TMEM232: variants seen among roughly 807,000 people sequenced by gnomAD.
TMEM232 encodes transmembrane protein 232.
A neutral mutation model predicts 78.8 loss-of-function variants in TMEM232; 80 were observed. The ratio of observed to expected loss-of-function variants is 1.01; its 90% CI spans 0.85 to 1.22. The LOEUF is 1.22. TMEM232 is among the 50% of genes most tolerant of loss of function. The pLI is 0.00. For missense variants in TMEM232, 881 were observed against 742.2 expected (o/e 1.19, Z -2.17); for synonymous variants, 297 against 254.3 (o/e 1.17, Z -1.60).
intron 6 of TMEM232, among the ~76,000 whole-genome samples, chr5:110,626,378 G>C (rs1784425471): frequency 6.6e-6 from 1 of 151,984 alleles, no homozygotes; most frequent in South Asian, 2.1e-4. Flanking sequence ...TGAAATGTTA[G>C]ACAAGAATTC....
At chr5:110,579,595 G>C (rs949416889) in intron 10 of TMEM232, among the ~76,000 whole-genome samples, 1 of 151,646 alleles carries the variant, frequency 6.6e-6, no homozygotes, top group African/African-American at 2.4e-5. Context: ...GTATAAGATT[G>C]ATGTTGTTTT....
intron 12 of TMEM232, among the ~76,000 whole-genome samples, chr5:110,466,306 G>A (rs896314956): frequency 6.6e-6 from 1 of 152,100 alleles, no homozygotes; most frequent in African/African-American, 2.4e-5. Context: ...ATTACAAAGA[G>A]AACTAATTTA....
chr5:110,635,190 A>C (rs114718539), intron 5 of TMEM232, among the ~76,000 whole-genome samples: 260 of 152,122 alleles, frequency 1.7e-3, no homozygotes, highest in African/African-American at 5.8e-3. Context: ...ATCATTAACA[A>C]AAAGATTCCC....
rs114999045 is a variant in TMEM232 at position 110,533,733 on chromosome 5, C to T, written c.1456-4898G>A. Among the ~76,000 whole-genome samples, 1,061 of 152,270 alleles carry T rather than the reference C, an allele frequency of 7.0e-3. 18 individuals carry two copies. Among genetic ancestry groups the T allele is most frequent in the African/African-American group, 0.025 (1,026 of 41,548 alleles). On this transcript the variant is annotated intron_variant, in intron 11 of 13. Coordinates refer to ENST00000455884, the MANE Select transcript of TMEM232 (RefSeq NM_001039763.4). The stretch of plus-strand genomic sequence containing the variant: ...ATACCACACCTGAACCTCATGACTG[C>T]ATCTCTCTGATCTCCTGACGTTCAC...
upstream of TMEM232, chr5:110,738,148 C>T: frequency 8.9e-7 from 1 of 1,126,060 alleles, no homozygotes; most frequent in South Asian, 1.5e-5. Flanking sequence ...GAATCCTGGG[C>T]TTCCAACGAG....
At chr5:110,678,656 C>A (rs1387208247) in intron 1 of TMEM232, among the ~76,000 whole-genome samples, 1 of 151,882 alleles carries the variant, frequency 6.6e-6, no homozygotes, top group Non-Finnish European at 1.5e-5. Context: ...CCTTAAAAAT[C>A]CTCTATGCTC....
intron 4 of TMEM232, among the ~76,000 whole-genome samples, chr5:110,640,024 C>T (rs561428332): frequency 3.9e-5 from 6 of 152,192 alleles, no homozygotes; most frequent in African/African-American, 9.7e-5. Flanking sequence ...TGATTCACCC[C>T]CCTCGGGTTG....
chr5:110,540,662 C>G (rs2149577120), intron 11 of TMEM232, among the ~76,000 whole-genome samples: 1 of 152,286 alleles, frequency 6.6e-6, no homozygotes, highest in South Asian at 2.1e-4. Flanking sequence ...GGATACACAA[C>G]AGTAAATCGT....
chr5:110,469,628 G>A (rs1336187529), intron 12 of TMEM232, among the ~76,000 whole-genome samples: 2 of 152,166 alleles, frequency 1.3e-5, no homozygotes, highest in Non-Finnish European at 2.9e-5. Context: ...CCTAGTTGCT[G>A]CTGCACCCTG....
chr5:110,485,672 G>T (rs370789194), intron 12 of TMEM232, among the ~76,000 whole-genome samples: 1 of 152,058 alleles, frequency 6.6e-6, no homozygotes, highest in Non-Finnish European at 1.5e-5. Flanking sequence ...GTATTCCATC[G>T]TATATTATAT....
At chr5:110,660,151 A>G (rs1249345888) in intron 2 of TMEM232, among the ~76,000 whole-genome samples, 1 of 152,096 alleles carries the variant, frequency 6.6e-6, no homozygotes, top group African/African-American at 2.4e-5. Flanking sequence ...ACAGAAGACA[A>G]TAAGAAACTT....
intron 11 of TMEM232, among the ~76,000 whole-genome samples, chr5:110,565,427 C>A (rs1776223069): frequency 1.3e-5 from 2 of 151,880 alleles, no homozygotes; most frequent in South Asian, 4.1e-4. Context: ...ACCCAGGCAA[C>A]CTTTGCTGTA....
chr5:110,605,503 A>T lies in TMEM232; in HGVS notation c.1027-145T>A, dbSNP rs1207092603. 3.6e-6 allele frequency: 3 copies of T among 827,068 alleles called. No homozygotes were observed. In the African/African-American group the frequency reaches 5.3e-5, roughly 15 times the overall value. The allele number at this position is 827,068 out of a possible 1,614,324, so 51.2% of individuals were successfully genotyped here. On this transcript the variant is annotated intron_variant, in intron 9 of 13. Coordinates refer to ENST00000455884, the MANE Select transcript of TMEM232 (RefSeq NM_001039763.4). ...ATTAAAAAATGGGTTTACCATGAGT[A>T]GACTGCATAAAATACAGTTCAAAGA...
intron 8 of TMEM232, 136 bp downstream of exon 8, chr5:110,618,293 T>A: frequency 9.1e-7 from 1 of 1,095,220 alleles, no homozygotes; most frequent in Non-Finnish European, 1.3e-6. Context: ...AAATTGCCAT[T>A]GCCTTTGGAA....
At chr5:110,454,912 TA>T (rs61425796) in intron 12 of TMEM232, among the ~76,000 whole-genome samples, 72,608 of 144,922 alleles carry the variant, frequency 0.5, 21,673 homozygotes, top group South Asian at 0.67. Context: ...TCGTAAAGAT[TA>T]AAAAAAAAAA....
At chr5:110,504,813 T>A (rs10079271) in intron 12 of TMEM232, among the ~76,000 whole-genome samples, 4,611 of 152,318 alleles carry the variant, frequency 0.03, 244 homozygotes, top group African/African-American at 0.11. Context: ...CAAATGTTGA[T>A]CTCATCTAAC....
At chr5:110,513,361 A>T (rs919158068) in intron 12 of TMEM232, among the ~76,000 whole-genome samples, 1 of 152,176 alleles carries the variant, frequency 6.6e-6, no homozygotes, top group African/African-American at 2.4e-5. Flanking sequence ...TAAGCTATGG[A>T]ATGGCAGAAA....
At chr5:110,710,804 T>C (rs1294892801) in intron 1 of TMEM232, among the ~76,000 whole-genome samples, 1 of 152,092 alleles carries the variant, frequency 6.6e-6, no homozygotes, top group African/African-American at 2.4e-5. Flanking sequence ...GCAGCTAGTA[T>C]CACACTGAAT....
chr5:110,475,133 A>G (rs2149383343), intron 12 of TMEM232, among the ~76,000 whole-genome samples: 1 of 152,132 alleles, frequency 6.6e-6, no homozygotes, highest in East Asian at 1.9e-4. Context: ...TATTAGTGTA[A>G]GGAAGTAGAC....
Sources: allele counts gnomAD v4.1 joint callset (sites outside exome capture counted in the v4.1 genomes callset), GRCh38; gene constraint gnomAD v4.1.1; transcripts MANE v1.5; gene names NCBI Gene and HGNC (gene_info 2026-07-23, HGNC 2026-07-21).